COP1: variants seen among roughly 807,000 people sequenced by gnomAD.
COP1 encodes COP1 E3 ubiquitin ligase.
COP1 carries 24 observed loss-of-function variants against 101.3 expected under a neutral mutation model. The ratio of observed to expected loss-of-function variants is 0.24; its 90% confidence interval spans 0.17 to 0.33. The LOEUF (loss-of-function observed/expected upper bound fraction) is 0.33, where lower values mean the gene tolerates loss of function less well. Ranked by LOEUF, COP1 falls within the 10% of genes least tolerant of loss-of-function variation. COP1 has a pLI of 1.00. For missense variants in COP1, 663 were observed against 906.2 expected, an observed-to-expected ratio of 0.73 and a Z score of 3.45; for synonymous variants, 347 against 341.9, an observed-to-expected ratio of 1.01 and a Z score of -0.17.
chr1:176,129,065 T>C (rs1688492830), intron 8 of COP1, among the ~76,000 whole-genome samples: 1 of 151,964 alleles, frequency 6.6e-6, no homozygotes, highest in Non-Finnish European at 1.5e-5. Context: ...AGGAATTTCT[T>C]AATATAGTCC....
At chr1:176,139,881 T>C (rs971018741) in intron 6 of COP1, among the ~76,000 whole-genome samples, 3 of 152,084 alleles carry the variant, frequency 2.0e-5, no homozygotes, top group Non-Finnish European at 2.9e-5. Flanking sequence ...GGGTCAATCA[T>C]ACCCCAAATT....
At chr1:176,003,124 T>G (rs1303465587) in intron 15 of COP1, among the ~76,000 whole-genome samples, 1 of 152,180 alleles carries the variant, frequency 6.6e-6, no homozygotes, top group African/African-American at 2.4e-5. Context: ...TGAGCATTTT[T>G]TCATGTGTTT....
At chr1:176,168,627 G>A in intron 3 of COP1, 1 of 219,596 alleles carries the variant, frequency 4.6e-6, no homozygotes, top group Non-Finnish European at 9.7e-6. Flanking sequence ...TGGTAATGGG[G>A]AGGGGTGGTA....
chr1:176,182,297 G>C (rs1374999921), intron 2 of COP1, among the ~76,000 whole-genome samples: 2 of 152,250 alleles, frequency 1.3e-5, no homozygotes, highest in African/African-American at 2.4e-5. Flanking sequence ...GCAGCAGAGA[G>C]TGAGTAACTT....
chr1:175,948,033 A>G (rs1333460676), intron 18 of COP1, among the ~76,000 whole-genome samples: 1 of 152,222 alleles, frequency 6.6e-6, no homozygotes. Flanking sequence ...GTGAATATTC[A>G]TTTGGGAAAA....
chr1:175,956,872 T>C (rs1163620633), intron 18 of COP1, among the ~76,000 whole-genome samples: 2 of 152,124 alleles, frequency 1.3e-5, no homozygotes, highest in African/African-American at 4.8e-5. Context: ...CAGCTCTATG[T>C]GTGTTATTGT....
chr1:175,988,473 T>C lies in COP1; in HGVS notation c.1848-61A>G, dbSNP rs141406666. 2,723 of 1,461,166 alleles carry C rather than the reference T, an allele frequency of 1.9e-3. 50 individuals carry two copies. In the Admixed American group the frequency reaches 0.026, roughly 14 times the overall value. 90.5% of individuals were successfully genotyped at this position (1,461,166 alleles called of 1,614,324 possible). A position where few individuals can be genotyped will look rare whatever the true frequency, so the allele number is the denominator to read the frequency against. Reference sequence around the variant, plus strand: ...AATTTCTTGGCACGAAACTCATCACTACTAATTAGAGGCAATGCAGTTTGC... The same window carrying C: ...AATTTCTTGGCACGAAACTCATCACCACTAATTAGAGGCAATGCAGTTTGC... On this transcript the variant is annotated intron_variant, in intron 16 of 19. Coordinates refer to ENST00000367669, the MANE Select transcript of COP1 (RefSeq NM_022457.7).
intron 5 of COP1, 27 bp downstream of exon 5, chr1:176,162,841 AT>A (rs749295219): frequency 2.3e-5 from 36 of 1,555,222 alleles, no homozygotes; most frequent in South Asian, 6.3e-5. Context: ...ATCATTTAAA[AT>A]TTTTTTTAAG....
Position 175,947,204 on chromosome 1 carries a change from A to T in COP1, c.2169T>A (p.Gly723=), listed in dbSNP as rs1649285837. ...ATAGTAAATAGCTTACCTTAATTGT[A>T]CCCTGACTGTTAGCAGCAATCAGCA... is the stretch of plus-strand genomic sequence containing the variant. ...SNVLIAANSQ[G]TIKVLELV is the part of the protein sequence containing the mutation. The change falls in exon 19 of 20, where the codon GGT becomes GGA. Residue 723 remains glycine, a synonymous_variant. Transcript: ENST00000367669. 6.2e-7 allele frequency: 1 copy of T among 1,608,252 alleles called. No individual in the cohort carries two copies. The highest frequency in any genetic ancestry group is 8.5e-7 in the Non-Finnish European group (1 of 1,174,756).
intron 15 of COP1, among the ~76,000 whole-genome samples, chr1:176,009,459 G>A (rs1664206196): frequency 6.6e-6 from 1 of 152,178 alleles, no homozygotes; most frequent in Non-Finnish European, 1.5e-5. Flanking sequence ...GGTGTAATAT[G>A]TGAAAGGCAT....
intron 8 of COP1, among the ~76,000 whole-genome samples, chr1:176,126,264 CAT>C (rs554879693): frequency 8.5e-5 from 13 of 152,134 alleles, no homozygotes; most frequent in Admixed American, 2.6e-4. Flanking sequence ...CGTTGAGTAA[CAT>C]TGGTGAAAGT....
rs931662503 is a variant in COP1 at position 176,198,140 on chromosome 1, G to A, written c.407+8432C>T. 1.2e-4 allele frequency among the ~76,000 whole-genome samples: 19 copies of A among 152,024 alleles called. 1 individual carries two copies. The highest frequency in any genetic ancestry group is 1.3e-4 in the Admixed American group (2 of 15,270). ...CATCCTTTTTTATAGAAATTGGCAC[G>A]CTAATCCTAAGATTTATGTGGAAAT... On this transcript the variant is annotated intron_variant, in intron 1 of 19. Transcript: ENST00000367669.
chr1:176,136,560 T>TAG lies in COP1; in HGVS notation c.832-15_832-14dup. On this transcript the variant is annotated splice_polypyrimidine_tract_variant and intron_variant, in intron 6 of 19. Transcript: ENST00000367669. ...TCTGTTCCAGTTGCTGCAGATTAAA[T>TAG]AGAGAGAGAAAGACAAAAAAAAAAA... 6.5e-7 allele frequency: 1 copy of TAG among 1,534,974 alleles called. No individual in the cohort carries two copies. The highest frequency in any genetic ancestry group is 1.5e-5 in the African/African-American group (1 of 67,724).
chr1:176,173,454 A>G (rs1696424668), intron 3 of COP1, among the ~76,000 whole-genome samples: 1 of 151,478 alleles, frequency 6.6e-6, no homozygotes, highest in African/African-American at 2.4e-5. Flanking sequence ...TGGAAAACAT[A>G]GTGAGACCTT....
intron 9 of COP1, among the ~76,000 whole-genome samples, chr1:176,113,675 G>T (rs569645648): frequency 2.0e-4 from 31 of 152,204 alleles, no homozygotes; most frequent in African/African-American, 6.7e-4. Context: ...TTTATTTATT[G>T]CTAGCAGCAA....
At chr1:176,051,957 G>GTA (rs1672648313) in intron 11 of COP1, among the ~76,000 whole-genome samples, 1 of 152,088 alleles carries the variant, frequency 6.6e-6, no homozygotes, top group Admixed American at 6.6e-5. Context: ...AAAGGTTACA[G>GTA]TAAGCTAAGG....
chr1:176,173,709 C>G (rs1696471199), intron 3 of COP1, among the ~76,000 whole-genome samples: 1 of 151,282 alleles, frequency 6.6e-6, no homozygotes, highest in Non-Finnish European at 1.5e-5. Context: ...TATCTAAGGC[C>G]AGGCGCAATG....
intron 3 of COP1, among the ~76,000 whole-genome samples, chr1:176,172,346 T>C (rs894525145): frequency 9.2e-5 from 14 of 152,244 alleles, no homozygotes; most frequent in Non-Finnish European, 8.8e-5. Flanking sequence ...CTGGCCAAAA[T>C]TGTATTCTTT....
At position 175,969,734 on chromosome 1, in the gene COP1, A is replaced by T. The variant is rs142519472; in HGVS notation, c.2133+17209T>A. On this transcript the variant is annotated intron_variant, in intron 18 of 19. Coordinates refer to ENST00000367669, the MANE Select transcript of COP1 (RefSeq NM_022457.7). ...ATGAATCAAGCCAACAGGTGAGAAA[A>T]ATCTTTTCTCCCTTACAGCATGTAA... Among the ~76,000 whole-genome samples the T allele has an allele frequency of 6.3e-3, 957 of 152,264 alleles. 11 individuals carry two copies. Among genetic ancestry groups the T allele is most frequent in the African/African-American group, 0.022 (907 of 41,546 alleles).
Sources: allele counts gnomAD v4.1 joint callset (sites outside exome capture counted in the v4.1 genomes callset), GRCh38; gene constraint gnomAD v4.1.1; transcripts MANE v1.5; gene names NCBI Gene and HGNC (gene_info 2026-07-23, HGNC 2026-07-21).